The following MALRD1 variants were observed in gnomAD, a reference collection of about 807,000 sequenced individuals.
The protein encoded by MALRD1 is MAM and LDL-receptor class A domain-containing protein 1.
Under a neutral mutation model 242.1 loss-of-function variants are expected in MALRD1, and 247 were observed. That is an observed-to-expected ratio of 1.02 (90% CI 0.92 to 1.13). The LOEUF is 1.13. Ranked by LOEUF, MALRD1 falls within the 50% of genes most tolerant of loss-of-function variation. MALRD1 has a pLI of 0.00. For synonymous variants in MALRD1, 995 were observed against 866.6 expected, an observed-to-expected ratio of 1.15 and a Z score of -2.60; for missense variants, 2,989 against 2,533.1, an observed-to-expected ratio of 1.18 and a Z score of -3.86.
At chr10:19,482,104 G>A (rs938698355) in intron 29 of MALRD1, among the ~76,000 whole-genome samples, 3 of 151,424 alleles carry the variant, frequency 2.0e-5, no homozygotes, top group African/African-American at 7.3e-5. Context: ...TATTATTCTC[G>A]TTTAGAAATC....
At chr10:19,530,423 A>ATT (rs1834340393) in intron 31 of MALRD1, among the ~76,000 whole-genome samples, 3 of 77,842 alleles carry the variant, frequency 3.9e-5, no homozygotes, top group African/African-American at 1.2e-4. Context: ...ATAATAATAA[A>ATT]TATATAATAT....
intron 14 of MALRD1, among the ~76,000 whole-genome samples, chr10:19,177,198 TG>T (rs1835297074): frequency 6.7e-6 from 1 of 148,940 alleles, no homozygotes; most frequent in South Asian, 2.1e-4. Flanking sequence ...GAGAATGGCG[TG>T]AACCGAAGAG....
At chr10:19,394,680 C>T (rs1452810557) in intron 28 of MALRD1, among the ~76,000 whole-genome samples, 3 of 152,218 alleles carry the variant, frequency 2.0e-5, no homozygotes, top group African/African-American at 7.2e-5. Flanking sequence ...AGATTTACAA[C>T]ACAGATTGAG....
intron 36 of MALRD1, among the ~76,000 whole-genome samples, chr10:19,656,422 A>G (rs1201460409): frequency 3.3e-5 from 5 of 152,138 alleles, no homozygotes; most frequent in Non-Finnish European, 5.9e-5. Context: ...AAACTTTCCA[A>G]TTTACTAATT....
intron 28 of MALRD1, among the ~76,000 whole-genome samples, chr10:19,422,288 C>A (rs1056140273): frequency 5.3e-5 from 8 of 152,164 alleles, no homozygotes; most frequent in African/African-American, 1.7e-4. Context: ...TGTGTCAGAA[C>A]ACAGTAATCA....
intron 34 of MALRD1, among the ~76,000 whole-genome samples, chr10:19,605,151 T>G (rs1342603790): frequency 3.2e-5 from 4 of 124,066 alleles, no homozygotes; most frequent in Admixed American, 7.8e-5. Flanking sequence ...ATTTATTTAT[T>G]TTTTTATTAT....
Position 19,284,149 on chromosome 10 carries a change from T to C in MALRD1, c.3419+968T>C, listed in dbSNP as rs182933071. 9.8e-5 allele frequency among the ~76,000 whole-genome samples: 15 copies of C among 152,340 alleles called. No homozygotes were observed. The East Asian group carries it at 2.9e-3, about 29-fold the overall frequency. ...ATAACAAATGTAATATTTTTCTTTA[T>C]TGACTATTAAGGCTTTTGTCCATTT... On this transcript the variant is annotated intron_variant, in intron 21 of 39. Transcript: ENST00000454679.
intron 12 of MALRD1, among the ~76,000 whole-genome samples, chr10:19,160,640 G>T (rs529677566): frequency 1.0e-4 from 3 of 29,812 alleles, no homozygotes; most frequent in Admixed American, 7.7e-4. Flanking sequence ...CAATTTCAGA[G>T]CCTGTTATTG....
chr10:19,236,343 G>A (rs1210778041), intron 18 of MALRD1, among the ~76,000 whole-genome samples: 1 of 152,160 alleles, frequency 6.6e-6, no homozygotes, highest in African/African-American at 2.4e-5. Flanking sequence ...AAGCAGGTGG[G>A]ATGCTCATGT....
chr10:19,214,241 G>A (rs1837202044), intron 18 of MALRD1, among the ~76,000 whole-genome samples: 1 of 152,158 alleles, frequency 6.6e-6, no homozygotes, highest in Non-Finnish European at 1.5e-5. Context: ...AGAACAATGG[G>A]CTCCTCTTGG....
chr10:19,663,536 A>G (rs1398244428), intron 36 of MALRD1, among the ~76,000 whole-genome samples: 5 of 152,080 alleles, frequency 3.3e-5, no homozygotes, highest in African/African-American at 9.7e-5. Context: ...TCCTTTGGGT[A>G]GATAGCCAGT....
intron 31 of MALRD1, among the ~76,000 whole-genome samples, chr10:19,518,438 T>A (rs1042603668): frequency 2.0e-5 from 3 of 152,166 alleles, no homozygotes; most frequent in Admixed American, 6.5e-5. Context: ...TTCTTTATCT[T>A]TTATGATTTT....
chr10:19,147,133 C>A (rs1280352447), intron 11 of MALRD1, among the ~76,000 whole-genome samples: 2 of 152,210 alleles, frequency 1.3e-5, no homozygotes, highest in Non-Finnish European at 2.9e-5. Flanking sequence ...GCTGGGATTA[C>A]AAGAGGGAGC....
intron 21 of MALRD1, among the ~76,000 whole-genome samples, chr10:19,302,609 A>G (rs1842002219): frequency 6.6e-6 from 1 of 151,802 alleles, no homozygotes; most frequent in African/African-American, 2.4e-5. Context: ...AAAGTCTTCC[A>G]AAGGATAGAG....
intron 18 of MALRD1, among the ~76,000 whole-genome samples, chr10:19,254,457 G>A (rs1336044630): frequency 1.3e-5 from 2 of 151,894 alleles, no homozygotes; most frequent in East Asian, 3.9e-4. Flanking sequence ...CATTTGTCTT[G>A]AATAAACAAA....
intron 23 of MALRD1, among the ~76,000 whole-genome samples, chr10:19,329,450 A>C (rs559827262): frequency 6.6e-6 from 1 of 151,074 alleles, no homozygotes; most frequent in Admixed American, 6.6e-5. Context: ...AATTACAATA[A>C]TTTTTACTAT....
intron 32 of MALRD1, among the ~76,000 whole-genome samples, chr10:19,566,423 G>A (rs1242921542): frequency 6.6e-6 from 1 of 150,972 alleles, no homozygotes; most frequent in Non-Finnish European, 1.5e-5. Context: ...ACAGGCGTGA[G>A]CCACCACGCC....
At chr10:19,391,943 C>G (rs914959945) in intron 28 of MALRD1, among the ~76,000 whole-genome samples, 1 of 152,190 alleles carries the variant, frequency 6.6e-6, no homozygotes, top group Non-Finnish European at 1.5e-5. Context: ...TTAGGACAAC[C>G]CTTGCGAAGG....
chr10:19,372,559 C>T (rs1845424616), intron 26 of MALRD1, among the ~76,000 whole-genome samples: 1 of 151,886 alleles, frequency 6.6e-6, no homozygotes, highest in Non-Finnish European at 1.5e-5. Flanking sequence ...ACCTCCACCT[C>T]CCAGTTCAAG....
Sources: gnomAD v4.1 joint callset for allele counts (sites outside exome capture counted in the v4.1 genomes callset) on GRCh38, gnomAD v4.1.1 for gene constraint, MANE v1.5 for transcripts, NCBI Gene and HGNC (gene_info 2026-07-23, HGNC 2026-07-21) for gene names.